FGD5: variants seen among roughly 807,000 people sequenced by gnomAD.
FGD5 encodes FYVE, RhoGEF and PH domain containing 5.
A neutral mutation model predicts 133.4 loss-of-function variants in FGD5; 28 were observed. The ratio of observed to expected loss-of-function variants is 0.21; its 90% confidence interval spans 0.16 to 0.29. FGD5 has a LOEUF of 0.29. Among genes scored for constraint, FGD5 ranks in the 10% least tolerant of loss-of-function variants. FGD5 has a pLI of 1.00. For synonymous variants in FGD5, 810 were observed against 776.5 expected (o/e 1.04, Z -0.72); for missense variants, 1,858 against 1,895.2 (o/e 0.98, Z 0.36).
At position 14,917,840 on chromosome 3, in the gene FGD5, T is replaced by C. The variant is rs1254672433; in HGVS notation, c.3489+508T>C. Among the ~76,000 whole-genome samples, 1 of 152,166 alleles carries C rather than the reference T, an allele frequency of 6.6e-6. No homozygotes were observed. The highest frequency in any genetic ancestry group is 1.5e-5 in the Non-Finnish European group (1 of 68,024). On this transcript the variant is annotated intron_variant, in intron 12 of 19. Transcript: ENST00000285046. The surrounding 1 kb of genome is among the most constrained non-coding windows in gnomAD (Gnocchi z 4.1). The stretch of plus-strand genomic sequence containing the variant: ...AAAACCAACTCTCCATTCCCCTCCT[T>C]CTCAGCCCCTGGCACCTACCATTCT...
intron 2 of FGD5, among the ~76,000 whole-genome samples, chr3:14,872,188 G>T (rs1011902543): frequency 6.6e-6 from 1 of 152,140 alleles, no homozygotes; most frequent in African/African-American, 2.4e-5. Context: ...CAGTTGAGTT[G>T]GAGAATGAAA....
At chr3:14,818,765 C>G (rs1365495818), upstream of FGD5, among the ~76,000 whole-genome samples, 1 of 152,122 alleles carries the variant, frequency 6.6e-6, no homozygotes, top group Non-Finnish European at 1.5e-5. Flanking sequence ...CAGAATGAAT[C>G]TTTAGTGGAA....
At chr3:14,895,973 A>G (rs184651369) in intron 4 of FGD5, among the ~76,000 whole-genome samples, 4 of 152,306 alleles carry the variant, frequency 2.6e-5, no homozygotes, top group African/African-American at 7.2e-5. Flanking sequence ...AATCAGTAGC[A>G]TTTCCATATA....
intron 18 of FGD5, among the ~76,000 whole-genome samples, chr3:14,928,498 C>T (rs1286558998): frequency 6.6e-6 from 1 of 151,978 alleles, no homozygotes; most frequent in Non-Finnish European, 1.5e-5. Context: ...TAATCCCAGC[C>T]CTTTGAGAGG....
At chr3:14,880,492 A>T (rs547788047) in intron 2 of FGD5, 80 bp from the exon 3 acceptor site, 2 of 1,397,270 alleles carry the variant, frequency 1.4e-6, no homozygotes, top group South Asian at 2.5e-5. Flanking sequence ...AATGCTTGGA[A>T]CTTGCCTCCA....
At chr3:14,900,327 A>AG in intron 7 of FGD5, 76 bp from the exon 8 acceptor site, 1 of 1,437,696 alleles carries the variant, frequency 7.0e-7, no homozygotes, top group East Asian at 2.3e-5. Flanking sequence ...CTGGCAAGAG[A>AG]GGGGGTGGCC....
chr3:14,830,271 TG>T (rs1441601498), intron 1 of FGD5, among the ~76,000 whole-genome samples: 2 of 152,248 alleles, frequency 1.3e-5, no homozygotes, highest in Non-Finnish European at 2.9e-5. Context: ...CTGTGCTTCT[TG>T]TTGAAATTGA....
chr3:14,908,607 C>T (rs1258958309), intron 10 of FGD5, among the ~76,000 whole-genome samples: 2 of 152,000 alleles, frequency 1.3e-5, no homozygotes, highest in Non-Finnish European at 2.9e-5. Context: ...ATTTATGGGG[C>T]CGGGTGTGGT....
chr3:14,841,692 G>A (rs2036924367), intron 1 of FGD5, among the ~76,000 whole-genome samples: 1 of 152,086 alleles, frequency 6.6e-6, no homozygotes, highest in Non-Finnish European at 1.5e-5. Flanking sequence ...CAGGGCTTTG[G>A]AGCAGTCTGC....
chr3:14,896,566 G>A (rs2038143467), intron 4 of FGD5, among the ~76,000 whole-genome samples: 1 of 152,030 alleles, frequency 6.6e-6, no homozygotes, highest in Non-Finnish European at 1.5e-5. Context: ...TGCCTCCTGG[G>A]TTCAAGCGAT....
Position 14,853,636 on chromosome 3 carries a change from CTTTTTTTT to C in FGD5, c.2526-10468_2526-10461del, listed in dbSNP as rs34008934. Among the ~76,000 whole-genome samples the C allele has an allele frequency of 2.4e-3, 90 of 37,132 alleles. No individual in the cohort carries two copies. The East Asian group carries it at 0.047, about 19-fold the overall frequency. The allele number at this position is 37,132 out of a possible 152,430, so 24.4% of individuals were successfully genotyped here. Reference sequence around the variant, plus strand: ...GAGATTCCCAGGGGGAAAAGCGTTCCTTTTTTTTTTTTTTTTTTTTTTTTTTTTTTTAC... The same window carrying C: ...GAGATTCCCAGGGGGAAAAGCGTTCCTTTTTTTTTTTTTTTTTTTTTTTAC... On this transcript the variant is annotated intron_variant, in intron 1 of 19. Coordinates refer to ENST00000285046, the MANE Select transcript of FGD5 (RefSeq NM_152536.4).
upstream of FGD5, among the ~76,000 whole-genome samples, chr3:14,816,453 G>T (rs765506647): frequency 2.0e-5 from 3 of 152,182 alleles, no homozygotes; most frequent in Non-Finnish European, 2.9e-5. Flanking sequence ...CTATGTGAAG[G>T]CCTGCTATTG....
chr3:14,849,224 C>T (rs2037115228), intron 1 of FGD5, among the ~76,000 whole-genome samples: 1 of 152,228 alleles, frequency 6.6e-6, no homozygotes, highest in African/African-American at 2.4e-5. Context: ...ACAGGTGACG[C>T]TCCTGTTCAT....
chr3:14,860,567 T>A (rs902458553), intron 1 of FGD5, among the ~76,000 whole-genome samples: 1 of 152,196 alleles, frequency 6.6e-6, no homozygotes, highest in Non-Finnish European at 1.5e-5. Context: ...GAGGCTGAAT[T>A]GAGGATCAGA....
rs768322407 is a variant in FGD5, at chr3:14,907,675, C to T, written c.3300C>T (p.Ser1100=). 12 of 1,613,584 alleles carry T rather than the reference C, an allele frequency of 7.4e-6. No homozygotes were observed. Among genetic ancestry groups the T allele is most frequent in the East Asian group, 4.5e-5 (2 of 44,868 alleles). The change falls in exon 10 of 20, where the codon AGC becomes AGT. Residue 1100 remains serine (S), a synonymous_variant. Transcript: ENST00000285046. ...AGAAGCTGGTCCACATTGAGCACAG[C>T]GTCCGGGGCCAAGGGGATCTCCTCC... is the stretch of plus-strand genomic sequence containing the variant. ...NLQKLVHIEH[S]VRGQGDLLQP...
intron 9 of FGD5, among the ~76,000 whole-genome samples, chr3:14,904,750 A>G (rs557745822): frequency 6.6e-6 from 1 of 152,362 alleles, no homozygotes; most frequent in Admixed American, 6.5e-5. Flanking sequence ...ATATATGTGT[A>G]TACCAGCTTT....
At chr3:14,874,625 A>G (rs2125112779) in intron 2 of FGD5, among the ~76,000 whole-genome samples, 2 of 152,208 alleles carry the variant, frequency 1.3e-5, no homozygotes, top group Middle Eastern at 6.8e-3. Context: ...TGGAAGGAAA[A>G]CTGCAGCTTC....
chr3:14,880,721 C>T (rs1370080018), intron 3 of FGD5, 21 bp from the exon 4 acceptor site: 11 of 1,613,918 alleles, frequency 6.8e-6, no homozygotes, highest in African/African-American at 2.7e-5. Context: ...AATGCAGCCT[C>T]AACCCTCTTT....
intron 4 of FGD5, among the ~76,000 whole-genome samples, chr3:14,892,441 C>A (rs1339460039): frequency 6.6e-6 from 1 of 152,148 alleles, no homozygotes; most frequent in African/African-American, 2.4e-5. Flanking sequence ...TCAAGCGATC[C>A]TCCCGTGTTG....
Sources: allele counts gnomAD v4.1 joint callset (sites outside exome capture counted in the v4.1 genomes callset), GRCh38; gene constraint gnomAD v4.1.1; non-coding constraint Gnocchi (gnomAD v3.1); transcripts MANE v1.5; gene names NCBI Gene and HGNC (gene_info 2026-07-23, HGNC 2026-07-21).